GOLGA2: variants seen among roughly 807,000 people sequenced by gnomAD.
The protein encoded by GOLGA2 is golgin subfamily A member 2.
A neutral mutation model predicts 148.8 loss-of-function variants in GOLGA2; 49 were observed. The ratio of observed to expected loss-of-function variants is 0.33; its 90% CI spans 0.26 to 0.42. GOLGA2 has a LOEUF of 0.42. Among genes scored for constraint, GOLGA2 ranks in the 10% least tolerant of loss-of-function variants. GOLGA2 has a pLI of 1.00. For missense variants in GOLGA2, 1,178 were observed against 1,304.6 expected (o/e 0.90, Z 1.49); for synonymous variants, 501 against 511.8 (o/e 0.98, Z 0.28).
chr9:128,256,296 C>CA lies in GOLGA2; in HGVS notation c.*770dup, dbSNP rs1303310377. On this transcript the variant is annotated 3_prime_UTR_variant, in exon 27 of 27. Transcript: ENST00000611957. ...ATCATCATCCAGAAATTTAAGGAGT[C>CA]AGCCCTGGCCAAGGTGGCTAAGGGT... 6.6e-6 allele frequency: 1 copy of CA among 152,222 alleles called. No homozygotes were observed. Among genetic ancestry groups the CA allele is most frequent in the East Asian group, 1.9e-4 (1 of 5,192 alleles). The allele number at this position is 152,222 out of a possible 1,614,324, so 9.4% of individuals were successfully genotyped here.
rs754510572 is a variant in GOLGA2 at position 128,261,543 on chromosome 9, G to T, written c.1243C>A (p.Gln415Lys). ...HLGQVMESVR[Q>K]LQMERDKYAE... ...TATTTATCTCTCTCCATTTGTAGTT[G>T]TCTAACCGACTCCATTACCTGCAAG... Residue 415 changes from glutamine (Q) to lysine (K), a missense_variant, in exon 16 of 27, where the codon CAA (glutamine) becomes AAA (lysine). This residue lies in a region of GOLGA2 where 304 missense variants were observed against 404.1 expected (regional missense o/e 0.75). Coordinates refer to ENST00000611957, the MANE Select transcript of GOLGA2 (RefSeq NM_001366244.2). This position sits in a 1 kb window ranked among gnomAD's most constrained non-coding sequence, Gnocchi z 5.7. 1 of 1,604,570 alleles carries T rather than the reference G, an allele frequency of 6.2e-7. No individual in the cohort carries two copies. The highest frequency in any genetic ancestry group is 1.7e-5 in the Admixed American group (1 of 60,012).
At chr9:128,264,714 C>T (rs1830491433) in intron 12 of GOLGA2, among the ~76,000 whole-genome samples, 1 of 152,176 alleles carries the variant, frequency 6.6e-6, no homozygotes, top group Non-Finnish European at 1.5e-5. Flanking sequence ...AGGCATGAGC[C>T]ACCACACCTG....
In GOLGA2 at chr9:128,258,038, C is replaced by T. The variant is rs777455188; in HGVS notation, c.2450G>A (p.Gly817Asp). The change falls in exon 23 of 27, where the codon GGT (glycine) becomes GAT (aspartate). Residue 817 changes from glycine to aspartate, a missense_variant. By Grantham distance (94) the Gly-to-Asp change is moderately conservative. Transcript: ENST00000611957. The surrounding 1 kb of genome is among the most constrained non-coding windows in gnomAD (Gnocchi z 6.6). ...EAAAPAPGTG[G>D]DSVCGETHRA... The stretch of plus-strand genomic sequence containing the variant: ...GTGGGTCTCCCCACACACAGAATCA[C>T]CCCCGGTCCCTGGGGCTGGGGCTGC... 1.2e-6 allele frequency: 2 copies of T among 1,611,870 alleles called. No individual in the cohort carries two copies. Among genetic ancestry groups the T allele is most frequent in the South Asian group, 1.1e-5 (1 of 90,944 alleles).
In GOLGA2 at chr9:128,260,091, G is replaced by A. The variant is rs767951870; in HGVS notation, c.1857C>T (p.Ser619=). ...KKLGELQEKL[S]ELKETVELKS... is the part of the protein sequence containing the mutation. ...GCGGGGTTACCGTTTCCTTCAGCTCGCTCAGCTTCTCCTGCAGCTCGCCCA... is the reference window on the plus strand; with the variant it reads ...GCGGGGTTACCGTTTCCTTCAGCTCACTCAGCTTCTCCTGCAGCTCGCCCA... Residue 619 remains serine, a synonymous_variant, in exon 19 of 27, where the codon AGC becomes AGT. Coordinates refer to ENST00000611957, the MANE Select transcript of GOLGA2 (RefSeq NM_001366244.2). This position sits in a 1 kb window ranked among gnomAD's most constrained non-coding sequence, Gnocchi z 4.8. The A allele has an allele frequency of 1.7e-5, 27 of 1,608,662 alleles. No homozygotes were observed. Among genetic ancestry groups the A allele is most frequent in the African/African-American group, 4.0e-5 (3 of 74,856 alleles).
intron 12 of GOLGA2, among the ~76,000 whole-genome samples, chr9:128,264,344 C>T (rs951630741): frequency 6.6e-6 from 1 of 151,270 alleles, no homozygotes; most frequent in Non-Finnish European, 1.5e-5. Context: ...ATGTGATTCT[C>T]CTGCCTCAGG....
At position 128,257,629 on chromosome 9, in the gene GOLGA2, C is replaced by T. The variant is rs1444240884; in HGVS notation, c.2690G>A (p.Arg897Lys). The change falls in exon 25 of 27, where the codon AGG becomes AAG. Residue 897 changes from arginine (R) to lysine (K), a missense_variant. Physicochemically the swap from Arg to Lys is conservative, Grantham distance 26. Coordinates refer to ENST00000611957, the MANE Select transcript of GOLGA2 (RefSeq NM_001366244.2). The surrounding 1 kb of genome is among the most constrained non-coding windows in gnomAD (Gnocchi z 8.0). ...RHREKEEYISRLAQDKEEMKV... is the reference protein window; with the variant it reads ...RHREKEEYISKLAQDKEEMKV... Reference sequence around the variant, plus strand: ...CATCTCCTCCTTGTCTTGGGCCAGCCTGCTGATGTACTCCTCCTTCTCCCG... The same window carrying T: ...CATCTCCTCCTTGTCTTGGGCCAGCTTGCTGATGTACTCCTCCTTCTCCCG... The T allele has an allele frequency of 6.2e-7, 1 of 1,614,198 alleles. No homozygotes were observed. The highest frequency in any genetic ancestry group is 1.6e-4 in the Middle Eastern group (1 of 6,062).
Position 128,258,750 on chromosome 9 carries a change from G to A in GOLGA2, c.2174-180C>T. ...CAAGGGCTCGCTATGCTGCCCAGGTGCAGTCCCACTACCGATCAGCATGGG... is the reference window on the plus strand; with the variant it reads ...CAAGGGCTCGCTATGCTGCCCAGGTACAGTCCCACTACCGATCAGCATGGG... On this transcript the variant is annotated intron_variant, in intron 21 of 26. Coordinates refer to ENST00000611957, the MANE Select transcript of GOLGA2 (RefSeq NM_001366244.2). The surrounding 1 kb of genome is among the most constrained non-coding windows in gnomAD (Gnocchi z 6.6). 2 of 617,694 alleles carry A rather than the reference G, an allele frequency of 3.2e-6. No homozygotes were observed. Among genetic ancestry groups the A allele is most frequent in the Non-Finnish European group, 5.7e-6 (2 of 352,978 alleles). 38.3% of individuals were successfully genotyped at this position (617,694 alleles called of 1,614,324 possible).
intron 19 of GOLGA2, 103 bp from the exon 20 acceptor site, chr9:128,259,494 C>T (rs958324954): frequency 1.4e-6 from 1 of 708,380 alleles, no homozygotes; most frequent in Non-Finnish European, 2.3e-6. Flanking sequence ...AGACCTCTGG[C>T]CCCTTGCTCC....
chr9:128,257,879 T>A lies in GOLGA2; in HGVS notation c.2522A>T (p.Glu841Val). 1 of 1,613,926 alleles carries A rather than the reference T, an allele frequency of 6.2e-7. No homozygotes were observed. The highest frequency in any genetic ancestry group is 8.5e-7 in the Non-Finnish European group (1 of 1,179,864). ...CAGGTCTGCCTTCTCCTGCATGAGC[T>A]CCATAAAGCGGCTCTGGAACCAAAA... ...AMEKLQSRFM[E>V]LMQEKADLKE... is the part of the protein sequence containing the mutation. Residue 841 changes from glutamate (E) to valine (V), a missense_variant, in exon 24 of 27, where the codon GAG becomes GTG. By Grantham distance (121) the Glu-to-Val change is moderately radical. This residue lies in a region of GOLGA2 where 529 missense variants were observed against 521.8 expected (regional missense o/e 1.01). Transcript: ENST00000611957. This position sits in a 1 kb window ranked among gnomAD's most constrained non-coding sequence, Gnocchi z 8.0.
chr9:128,258,516 GCCTCCTCCTCCT>G lies in GOLGA2; in HGVS notation c.2216_2227del (p.Glu739_Glu742del). The G allele has an allele frequency of 8.2e-6, 13 of 1,588,346 alleles. No individual in the cohort carries two copies. The highest frequency in any genetic ancestry group is 1.1e-5 in the Non-Finnish European group (13 of 1,168,436). On this transcript the variant is annotated inframe_deletion, in exon 22 of 27. Coordinates refer to ENST00000611957, the MANE Select transcript of GOLGA2 (RefSeq NM_001366244.2). The surrounding 1 kb of genome is among the most constrained non-coding windows in gnomAD (Gnocchi z 6.6). The stretch of plus-strand genomic sequence containing the variant: ...TGGCATGGGCTGAGGTACTGCCACC[GCCTCCTCCTCCT>G]CCTCCTCCTCATCCTCCTCCTCCTC...
rs1334103318 is a variant in GOLGA2 at position 128,260,201 on chromosome 9, G to T, written c.1759-12C>A. ...ATGTTCTCATTAGTCTGGACAGAGAGAAGCAATCAGCGGCCACCCACTGCA... is the reference window on the plus strand; with the variant it reads ...ATGTTCTCATTAGTCTGGACAGAGATAAGCAATCAGCGGCCACCCACTGCA... On this transcript the variant is annotated splice_polypyrimidine_tract_variant and intron_variant, in intron 18 of 26. Transcript: ENST00000611957. This position sits in a 1 kb window ranked among gnomAD's most constrained non-coding sequence, Gnocchi z 4.8. 1.3e-6 allele frequency: 2 copies of T among 1,581,086 alleles called. No individual in the cohort carries two copies. The highest frequency in any genetic ancestry group is 2.2e-5 in the South Asian group (2 of 90,480).
intron 3 of GOLGA2, among the ~76,000 whole-genome samples, chr9:128,272,123 T>C (rs1830992046): frequency 6.6e-6 from 1 of 150,694 alleles, no homozygotes; most frequent in Non-Finnish European, 1.5e-5. Flanking sequence ...GTTGGTTTTT[T>C]TGTGTTTTTT....
chr9:128,260,757 T>C lies in GOLGA2; in HGVS notation c.1466A>G (p.Glu489Gly). The change falls in exon 18 of 27, where the codon GAG (glutamate) becomes GGG (glycine). Residue 489 changes from glutamate (E) to glycine (G), a missense_variant. By Grantham distance (98) the Glu-to-Gly change is moderately conservative (BLOSUM62 -2). Around this residue, in one of 5 missense-constraint regions of GOLGA2, gnomAD observed 529 missense variants for 521.8 expected, o/e 1.01. Transcript: ENST00000611957. The surrounding 1 kb of genome is among the most constrained non-coding windows in gnomAD (Gnocchi z 4.8). Reference sequence around the variant, plus strand: ...CTCAGCCTCCGCTTGTAGCTGCTGCTCCACCTCGGAGGGCCCTGCTGGGGG... The same window carrying C: ...CTCAGCCTCCGCTTGTAGCTGCTGCCCCACCTCGGAGGGCCCTGCTGGGGG... ...PEPPAGPSEV[E>G]QQLQAEAEHL... is the part of the protein sequence containing the mutation. The C allele has an allele frequency of 6.2e-7, 1 of 1,612,498 alleles. No homozygotes were observed. The highest frequency in any genetic ancestry group is 8.5e-7 in the Non-Finnish European group (1 of 1,179,674).
At chr9:128,275,841 A>G in intron 1 of GOLGA2, 52 bp downstream of exon 1, 2 of 950,742 alleles carry the variant, frequency 2.1e-6, no homozygotes, top group East Asian at 2.7e-5. Context: ...TGGTCCTGCC[A>G]TCGGAGTGGG....
In GOLGA2 at chr9:128,268,480, G is replaced by A. The variant is rs374754744; in HGVS notation, c.333C>T (p.Thr111=). 304 of 1,611,930 alleles carry A rather than the reference G, an allele frequency of 1.9e-4. No homozygotes were observed. The highest frequency in any genetic ancestry group is 2.4e-4 in the Non-Finnish European group (288 of 1,178,818). The change falls in exon 4 of 27, where the codon ACC becomes ACT. Residue 111 remains threonine, a synonymous_variant. Coordinates refer to ENST00000611957, the MANE Select transcript of GOLGA2 (RefSeq NM_001366244.2). ...NAATLQPSDD[T]VLPGGVPSPG... ...GGGAAGGGACACCGCCAGGTAACACGGTGTCATCAGATGGTTGTAGAGTAG... is the reference window on the plus strand; with the variant it reads ...GGGAAGGGACACCGCCAGGTAACACAGTGTCATCAGATGGTTGTAGAGTAG...
Position 128,261,205 on chromosome 9 carries a change from C to T in GOLGA2, c.1387G>A (p.Glu463Lys). 1.2e-6 allele frequency: 2 copies of T among 1,613,890 alleles called. No individual in the cohort carries two copies. The highest frequency in any genetic ancestry group is 1.7e-6 in the Non-Finnish European group (2 of 1,179,786). Reference protein sequence around the residue: ...ECSMSRVQELETSLAELRNQM... With the variant: ...ECSMSRVQELKTSLAELRNQM... The stretch of plus-strand genomic sequence containing the variant: ...TTCCTCAGTTCAGCCAAGCTCGTCT[C>T]CAGCTCCTGTACCCGACTCATGCTA... The change falls in exon 17 of 27, where the codon GAG becomes AAG. Residue 463 changes from glutamate (E) to lysine (K), a missense_variant. Physicochemically the swap from Glu to Lys is moderately conservative, Grantham distance 56. Around this residue, in one of 5 missense-constraint regions of GOLGA2, gnomAD observed 529 missense variants for 521.8 expected, o/e 1.01. Transcript: ENST00000611957. The surrounding 1 kb of genome is among the most constrained non-coding windows in gnomAD (Gnocchi z 5.7).
At chr9:128,265,920 A>G (rs1250435847) in intron 10 of GOLGA2, 39 bp from the exon 11 acceptor site, 1 of 1,606,388 alleles carries the variant, frequency 6.2e-7, no homozygotes, top group Non-Finnish European at 8.5e-7. Flanking sequence ...AAAAAGAAGG[A>G]AAGAAACATT....
rs936918690 is a variant in GOLGA2 at position 128,263,035 on chromosome 9, T to C, written c.991A>G (p.Thr331Ala). 3.8e-6 allele frequency: 6 copies of C among 1,599,824 alleles called. No homozygotes were observed. The South Asian group carries it at 5.5e-5, about 15-fold the overall frequency. The change falls in exon 13 of 27, where the codon ACC becomes GCC. Residue 331 changes from threonine (T) to alanine (A), a missense_variant and splice_region_variant. Transcript: ENST00000611957. ...CCATCCCACCATCCCCCATCCTACG[T>C]GTTCTTGTATAACTCCAGCCTGAGG... Reference protein sequence around the residue: ...DALRLELYKNTQSNEDLKQEK... With the variant: ...DALRLELYKNAQSNEDLKQEK...
Position 128,257,002 on chromosome 9 carries a change from A to G in GOLGA2, c.*65T>C. 8.5e-7 allele frequency: 1 copy of G among 1,182,548 alleles called. No homozygotes were observed. Among genetic ancestry groups the G allele is most frequent in the African/African-American group, 1.5e-5 (1 of 66,248 alleles). 73.3% of individuals were successfully genotyped at this position (1,182,548 alleles called of 1,614,324 possible). ...AAAGGGTTGACTGAGAAGGGATGGT[A>G]GGGATATGGTGGGGGCAGGGTATCC... On this transcript the variant is annotated 3_prime_UTR_variant, in exon 27 of 27. Transcript: ENST00000611957. The surrounding 1 kb of genome is among the most constrained non-coding windows in gnomAD (Gnocchi z 8.0).
Sources: allele counts gnomAD v4.1 joint callset (sites outside exome capture counted in the v4.1 genomes callset), GRCh38; gene constraint gnomAD v4.1.1; regional missense constraint gnomAD v4.1.1; non-coding constraint Gnocchi (gnomAD v3.1); transcripts MANE v1.5; gene names NCBI Gene and HGNC (gene_info 2026-07-23, HGNC 2026-07-21).